SH3PXD2A: variants seen among roughly 807,000 people sequenced by gnomAD.
The protein encoded by SH3PXD2A is SH3 and PX domain-containing protein 2A.
Under a neutral mutation model 115.2 loss-of-function variants are expected in SH3PXD2A, and 32 were observed. The observed-to-expected ratio is 0.28, with a 90% CI of 0.21 to 0.37. SH3PXD2A has a LOEUF of 0.37. Ranked by LOEUF, SH3PXD2A falls within the 10% of genes least tolerant of loss-of-function variation. The pLI, the probability that SH3PXD2A is intolerant of heterozygous loss-of-function variation, is 1.00. For synonymous variants in SH3PXD2A, 610 were observed against 629.1 expected, an observed-to-expected ratio of 0.97 and a Z score of 0.45; for missense variants, 1,328 against 1,498.7, an observed-to-expected ratio of 0.89 and a Z score of 1.88.
chr10:103,726,226 C>T (rs2038239616), intron 4 of SH3PXD2A, among the ~76,000 whole-genome samples: 1 of 152,176 alleles, frequency 6.6e-6, no homozygotes, highest in South Asian at 2.1e-4. Flanking sequence ...AAGACAGGAC[C>T]CTGTCCCATA....
chr10:103,779,041 C>T (rs2038907470), intron 2 of SH3PXD2A, among the ~76,000 whole-genome samples: 1 of 152,186 alleles, frequency 6.6e-6, no homozygotes, highest in Non-Finnish European at 1.5e-5. Context: ...CCAGGAGTCA[C>T]AGAACCTGAG....
chr10:103,719,751 T>G (rs1459082935), intron 5 of SH3PXD2A, among the ~76,000 whole-genome samples: 1 of 149,192 alleles, frequency 6.7e-6, no homozygotes, highest in East Asian at 1.9e-4. Context: ...GATGGAGTCT[T>G]GCTCTGTCAC....
At chr10:103,797,750 G>A (rs1469529221) in intron 2 of SH3PXD2A, among the ~76,000 whole-genome samples, 1 of 142,810 alleles carries the variant, frequency 7.0e-6, no homozygotes, top group Non-Finnish European at 1.5e-5. Context: ...AGGGGGTGGG[G>A]AAGGGCTGTG....
At chr10:103,837,928 C>A (rs953384190) in intron 1 of SH3PXD2A, among the ~76,000 whole-genome samples, 1 of 152,034 alleles carries the variant, frequency 6.6e-6, no homozygotes, top group Non-Finnish European at 1.5e-5. Context: ...CCTCTTGGGG[C>A]CCTCGCCAAG....
At chr10:103,804,919 C>T (rs555329297) in intron 1 of SH3PXD2A, among the ~76,000 whole-genome samples, 2 of 152,278 alleles carry the variant, frequency 1.3e-5, no homozygotes, top group Admixed American at 1.3e-4. Context: ...TGCATCTCTG[C>T]TTCCCACAGG....
At chr10:103,656,521 C>T (rs945271594) in intron 8 of SH3PXD2A, among the ~76,000 whole-genome samples, 2 of 152,322 alleles carry the variant, frequency 1.3e-5, no homozygotes, top group African/African-American at 4.8e-5. Flanking sequence ...GTTAGAAGAG[C>T]ATAGCTGTGC....
Position 103,834,274 on chromosome 10 carries a change from G to A in SH3PXD2A, c.72+20921C>T, listed in dbSNP as rs368133007. On this transcript the variant is annotated intron_variant, in intron 1 of 14. Coordinates refer to ENST00000369774, the MANE Select transcript of SH3PXD2A (RefSeq NM_001394015.1). ...ATGGAAGGAATCCAGCTCACCCTACGAGCCAATGAAGGGGCTGATGGTAGA... is the reference window on the plus strand; with the variant it reads ...ATGGAAGGAATCCAGCTCACCCTACAAGCCAATGAAGGGGCTGATGGTAGA... Among the ~76,000 whole-genome samples the A allele has an allele frequency of 6.6e-5, 10 of 152,290 alleles. No homozygotes were observed. The East Asian group carries it at 1.9e-3, about 29-fold the overall frequency.
intron 2 of SH3PXD2A, among the ~76,000 whole-genome samples, chr10:103,775,788 A>G (rs1009324894): frequency 6.6e-6 from 1 of 152,164 alleles, no homozygotes; most frequent in Non-Finnish European, 1.5e-5. Flanking sequence ...TCTCAGGGGT[A>G]ATTAGGGTGC....
chr10:103,753,317 C>CAAAAAA (rs60364879), intron 3 of SH3PXD2A, among the ~76,000 whole-genome samples: 9 of 62,864 alleles, frequency 1.4e-4, no homozygotes, highest in African/African-American at 4.4e-4. Context: ...CTGCCTCTAC[C>CAAAAAA]AAAAAAAAAA....
At position 103,607,418 on chromosome 10, in the gene SH3PXD2A, G is replaced by A. The variant is rs558599942; in HGVS notation, c.1309-1501C>T. 5.5e-3 allele frequency among the ~76,000 whole-genome samples: 802 copies of A among 146,840 alleles called. 23 individuals are homozygous for A. The highest frequency in any genetic ancestry group is 0.042 in the Admixed American group (629 of 14,984). Reference sequence around the variant, plus strand: ...GGGAGGGAGGTGGGGGTCAGCCCCCGCCAGGCCAGCCGCCCTGTCCGGGAG... The same window carrying A: ...GGGAGGGAGGTGGGGGTCAGCCCCCACCAGGCCAGCCGCCCTGTCCGGGAG... On this transcript the variant is annotated intron_variant, in intron 13 of 14. Transcript: ENST00000369774.
rs965564587 is a variant in SH3PXD2A at position 103,682,769 on chromosome 10, A to C, written c.427+10259T>G. 2.4e-3 allele frequency among the ~76,000 whole-genome samples: 365 copies of C among 151,430 alleles called. 2 individuals carry two copies. The highest frequency in any genetic ancestry group is 8.1e-3 in the African/African-American group (333 of 41,000). Reference sequence around the variant, plus strand: ...CAGATTCCGTCTCAAAAAAAAAAAAAACAAAACAAACCACGAGCCTGGGTA... The same window carrying C: ...CAGATTCCGTCTCAAAAAAAAAAAACACAAAACAAACCACGAGCCTGGGTA... On this transcript the variant is annotated intron_variant, in intron 6 of 14. Transcript: ENST00000369774.
At chr10:103,847,654 T>C (rs1842859517) in intron 1 of SH3PXD2A, among the ~76,000 whole-genome samples, 1 of 152,104 alleles carries the variant, frequency 6.6e-6, no homozygotes, top group African/African-American at 2.4e-5. Flanking sequence ...TAAAACAAGT[T>C]CAGGCCAGGC....
In SH3PXD2A at chr10:103,736,873, T is replaced by C. The variant is rs1056482704; in HGVS notation, c.230-1065A>G. 6.8e-6 allele frequency: 6 copies of C among 881,484 alleles called. No individual in the cohort carries two copies. In the African/African-American group the frequency reaches 1.0e-4, roughly 15 times the overall value. The allele number at this position is 881,484 out of a possible 1,614,324, so 54.6% of individuals were successfully genotyped here. The stretch of plus-strand genomic sequence containing the variant: ...TCCCAGTCCTTGTGGTGTCAGTCAG[T>C]CTAGCCACACCCCCTAGCAACAAAG... On this transcript the variant is annotated intron_variant, in intron 3 of 14. Coordinates refer to ENST00000369774, the MANE Select transcript of SH3PXD2A (RefSeq NM_001394015.1).
intron 2 of SH3PXD2A, among the ~76,000 whole-genome samples, chr10:103,782,025 G>A (rs2038935853): frequency 6.6e-6 from 1 of 152,208 alleles, no homozygotes; most frequent in African/African-American, 2.4e-5. Flanking sequence ...CAGCCTCTGG[G>A]AAGTGCTGCA....
intron 6 of SH3PXD2A, among the ~76,000 whole-genome samples, chr10:103,680,557 G>A (rs945061681): frequency 3.9e-5 from 6 of 152,184 alleles, no homozygotes; most frequent in Non-Finnish European, 5.9e-5. Flanking sequence ...GATTACAGGC[G>A]TGAACCACCA....
intron 5 of SH3PXD2A, among the ~76,000 whole-genome samples, chr10:103,718,789 A>ACACACAC (rs1564872264): frequency 3.3e-5 from 5 of 150,366 alleles, no homozygotes; most frequent in African/African-American, 1.2e-4. Context: ...ACACACACAC[A>ACACACAC]CACACACACG....
chr10:103,769,866 A>G (rs1307784912), intron 2 of SH3PXD2A, among the ~76,000 whole-genome samples: 1 of 152,224 alleles, frequency 6.6e-6, no homozygotes, highest in Non-Finnish European at 1.5e-5. Flanking sequence ...TCAGCAAAGG[A>G]TTTTAAAAAT....
intron 2 of SH3PXD2A, among the ~76,000 whole-genome samples, chr10:103,798,759 C>T (rs2039118828): frequency 6.6e-6 from 1 of 152,198 alleles, no homozygotes; most frequent in Non-Finnish European, 1.5e-5. Context: ...TCCCACCCTG[C>T]CCCAGAGGAC....
At chr10:103,721,332 A>T (rs997040634) in intron 5 of SH3PXD2A, among the ~76,000 whole-genome samples, 4 of 152,166 alleles carry the variant, frequency 2.6e-5, no homozygotes, top group African/African-American at 9.7e-5. Context: ...ACTGAGCCTT[A>T]AGTGGCAGGG....
Sources: gnomAD v4.1 joint callset for allele counts (sites outside exome capture counted in the v4.1 genomes callset) on GRCh38, gnomAD v4.1.1 for gene constraint, MANE v1.5 for transcripts, NCBI Gene and HGNC (gene_info 2026-07-23, HGNC 2026-07-21) for gene names.